TFEB: variants seen among roughly 807,000 people sequenced by gnomAD.
TFEB encodes the protein T-cell transcription factor EB.
TFEB carries 12 observed loss-of-function variants against 48.0 expected under a neutral mutation model. That is an observed-to-expected ratio of 0.25 (90% CI 0.16 to 0.40). The LOEUF is 0.40. TFEB is among the 10% of genes least tolerant of loss of function. The pLI is 1.00. For missense variants in TFEB, 509 were observed against 640.3 expected, an observed-to-expected ratio of 0.79 and a Z score of 2.21; for synonymous variants, 244 against 261.4, an observed-to-expected ratio of 0.93 and a Z score of 0.64.
intron 1 of TFEB, among the ~76,000 whole-genome samples, chr6:41,721,110 C>T (rs2127264556): frequency 6.6e-6 from 1 of 152,222 alleles, no homozygotes; most frequent in South Asian, 2.1e-4. Context: ...ACCCAGGAAT[C>T]CCTCTCTGAC....
chr6:41,726,038 G>C (rs1771193838), intron 1 of TFEB, among the ~76,000 whole-genome samples: 1 of 152,232 alleles, frequency 6.6e-6, no homozygotes, highest in Non-Finnish European at 1.5e-5. Flanking sequence ...GAGCTGGGGA[G>C]GTGGAGGTTG....
chr6:41,725,827 A>G (rs540840017), intron 1 of TFEB, among the ~76,000 whole-genome samples: 1 of 152,392 alleles, frequency 6.6e-6, no homozygotes, highest in South Asian at 2.1e-4. Context: ...ACTCACCATC[A>G]TGGCAGAAAT....
Position 41,685,002 on chromosome 6 carries a change from TG to T in TFEB, c.1027del (p.Gln343SerfsTer4). On this transcript the variant is annotated frameshift_variant, in exon 9 of 9. Coordinates refer to ENST00000373033, the MANE Select transcript of TFEB (RefSeq NM_001271944.2). LOFTEE classifies it high-confidence loss of function. Reference sequence around the variant, plus strand: ...AGGCAGCTCCTGCTTCACCACCTGCTGGGCCAGCTCAGCCATGTTCATGCCG... The same window carrying T: ...AGGCAGCTCCTGCTTCACCACCTGCTGGCCAGCTCAGCCATGTTCATGCCG... ...PSGMNMAELAQQVVKQELPSE... is the reference protein window; with the variant it reads ...PSGMNMAELAXQVVKQELPSE... 6.4e-7 allele frequency: 1 copy of T among 1,550,970 alleles called. No homozygotes were observed. The highest frequency in any genetic ancestry group is 8.7e-7 in the Non-Finnish European group (1 of 1,149,274).
intron 1 of TFEB, among the ~76,000 whole-genome samples, chr6:41,710,870 C>T (rs1484097511): frequency 2.0e-5 from 3 of 152,190 alleles, no homozygotes; most frequent in Non-Finnish European, 2.9e-5. Context: ...CGACAGCACA[C>T]CCTGACTTCA....
intron 1 of TFEB, among the ~76,000 whole-genome samples, chr6:41,695,773 T>TGGGA (rs1412824181): frequency 6.6e-6 from 1 of 152,120 alleles, no homozygotes; most frequent in African/African-American, 2.4e-5. Flanking sequence ...ACTCAGCTCT[T>TGGGA]ACAGTGGGAA....
upstream of TFEB, among the ~76,000 whole-genome samples, chr6:41,735,815 C>T (rs1232874906): frequency 6.6e-6 from 1 of 152,354 alleles, no homozygotes. Flanking sequence ...TGCAAGTTTT[C>T]TTTCTCCTCT....
Position 41,691,994 on chromosome 6 carries a change from C to A in TFEB, c.-22-759G>T, listed in dbSNP as rs75061700. On this transcript the variant is annotated intron_variant, in intron 1 of 8. Transcript: ENST00000373033. The surrounding 1 kb of genome is among the most constrained non-coding windows in gnomAD (Gnocchi z 5.2). Reference sequence around the variant, plus strand: ...CCCTCTGCCTGGAATGCTCTCCCCCCAGATGACATCATGGCTCACTCCTTC... The same window carrying A: ...CCCTCTGCCTGGAATGCTCTCCCCCAAGATGACATCATGGCTCACTCCTTC... Among the ~76,000 whole-genome samples, 5,412 of 152,206 alleles carry A rather than the reference C, an allele frequency of 0.036. 137 individuals carry two copies. The highest frequency in any genetic ancestry group is 0.091 in the East Asian group (473 of 5,180).
intron 1 of TFEB, among the ~76,000 whole-genome samples, chr6:41,716,470 T>A (rs1770738429): frequency 6.6e-6 from 1 of 152,076 alleles, no homozygotes; most frequent in Non-Finnish European, 1.5e-5. Flanking sequence ...GGTAACACCA[T>A]CCCCACCACC....
At chr6:41,701,355 G>C (rs981658101) in intron 1 of TFEB, among the ~76,000 whole-genome samples, 1 of 152,220 alleles carries the variant, frequency 6.6e-6, no homozygotes, top group African/African-American at 2.4e-5. Context: ...TTGTTCTCTA[G>C]TTGTTTCCTT....
intron 1 of TFEB, among the ~76,000 whole-genome samples, chr6:41,714,189 GCA>G (rs1770625687): frequency 6.6e-6 from 1 of 151,494 alleles, no homozygotes; most frequent in African/African-American, 2.4e-5. Flanking sequence ...GTGTGCATGT[GCA>G]TGCATGTGCG....
In TFEB at chr6:41,724,620, G is replaced by A. The variant is rs866538267; in HGVS notation, c.-23+10730C>T. On this transcript the variant is annotated intron_variant, in intron 1 of 8. Transcript: ENST00000373033. This position sits in a 1 kb window ranked among gnomAD's most constrained non-coding sequence, Gnocchi z 4.4. ...CCCCCAGGGAGGACCTCTGGCTCCC[G>A]CCCCTTGCCGCCCGAGACCTGCAAT... Among the ~76,000 whole-genome samples, 4 of 152,098 alleles carry A rather than the reference G, an allele frequency of 2.6e-5. No homozygotes were observed. Among genetic ancestry groups the A allele is most frequent in the African/African-American group, 7.2e-5 (3 of 41,418 alleles).
In TFEB at chr6:41,687,172, A is replaced by G. The variant is rs1769052781; in HGVS notation, c.728-3T>C. On this transcript the variant is annotated splice_polypyrimidine_tract_variant and splice_region_variant and intron_variant, in intron 6 of 8. Coordinates refer to ENST00000373033, the MANE Select transcript of TFEB (RefSeq NM_001271944.2). ...GTTGAACCTTCGTCTCCTTTCAACTAAAGGTAACAGATTCCAGAAGGAGCA... is the reference window on the plus strand; with the variant it reads ...GTTGAACCTTCGTCTCCTTTCAACTGAAGGTAACAGATTCCAGAAGGAGCA... 1 of 1,613,984 alleles carries G rather than the reference A, an allele frequency of 6.2e-7. No homozygotes were observed. Among genetic ancestry groups the G allele is most frequent in the Admixed American group, 1.7e-5 (1 of 59,996 alleles).
chr6:41,692,460 C>G (rs1769364680), intron 1 of TFEB, among the ~76,000 whole-genome samples: 1 of 152,206 alleles, frequency 6.6e-6, no homozygotes, highest in Non-Finnish European at 1.5e-5. Flanking sequence ...TTCCAGGCAC[C>G]TGGCACTGCC....
chr6:41,735,687 G>T, upstream of TFEB: 1 of 508,436 alleles, frequency 2.0e-6, no homozygotes, highest in Non-Finnish European at 2.5e-6. Flanking sequence ...CCACTGGGAA[G>T]CGTAGTTCTC....
At chr6:41,688,529 T>G (rs1488918626) in intron 4 of TFEB, among the ~76,000 whole-genome samples, 3 of 151,914 alleles carry the variant, frequency 2.0e-5, no homozygotes, top group Admixed American at 2.0e-4. Flanking sequence ...GGATCCCCAG[T>G]ACAGTGTTTG....
chr6:41,712,463 T>C (rs752742734), intron 1 of TFEB, among the ~76,000 whole-genome samples: 7 of 152,220 alleles, frequency 4.6e-5, no homozygotes, highest in Non-Finnish European at 8.8e-5. Context: ...CCATGAGGCC[T>C]TGGGCAAGTT....
At chr6:41,700,465 CAAAAAA>C (rs549557871) in intron 1 of TFEB, among the ~76,000 whole-genome samples, 3 of 95,686 alleles carry the variant, frequency 3.1e-5, no homozygotes, top group African/African-American at 7.1e-5. Flanking sequence ...GACTCCGTCT[CAAAAAA>C]AAAAAAAAAA....
chr6:41,721,133 T>A (rs1770962210), intron 1 of TFEB, among the ~76,000 whole-genome samples: 1 of 151,908 alleles, frequency 6.6e-6, no homozygotes, highest in Non-Finnish European at 1.5e-5. Context: ...CTCTGCTCCC[T>A]CCTCTGCTGA....
intron 1 of TFEB, among the ~76,000 whole-genome samples, chr6:41,712,036 C>T (rs942503025): frequency 2.2e-4 from 34 of 152,178 alleles, no homozygotes; most frequent in African/African-American, 7.2e-4. Context: ...GGTCCAGTCC[C>T]CAGCCCCGGC....
Sources: gnomAD v4.1 joint callset for allele counts (sites outside exome capture counted in the v4.1 genomes callset) on GRCh38, gnomAD v4.1.1 for gene constraint, Gnocchi (gnomAD v3.1) non-coding constraint, MANE v1.5 for transcripts, NCBI Gene and HGNC (gene_info 2026-07-23, HGNC 2026-07-21) for gene names.